The following ARL14EP variants were observed in gnomAD, a reference collection of about 807,000 sequenced individuals.
The protein encoded by ARL14EP is ARF like GTPase 14 effector protein, also known as ARL14 effector protein.
In ARL14EP, 12 loss-of-function variants were observed where a neutral mutation model predicts 23.1. That is an observed-to-expected ratio of 0.52 (90% CI 0.33 to 0.84). The LOEUF (loss-of-function observed/expected upper bound fraction) is 0.84, where lower values mean the gene tolerates loss of function less well. Among genes scored for constraint, ARL14EP ranks in the 40% least tolerant of loss-of-function variants. The pLI is 0.02. For missense variants in ARL14EP, 253 were observed against 307.3 expected (o/e 0.82, Z 1.32); for synonymous variants, 97 against 102.0 (o/e 0.95, Z 0.29).
chr11:30,334,208 CTTTTTTTTTTTTT>C (rs36111177), intron 3 of ARL14EP, among the ~76,000 whole-genome samples: 3 of 86,012 alleles, frequency 3.5e-5, no homozygotes, highest in African/African-American at 5.0e-5. Context: ...GACCAGCCTT[CTTTTTTTTTTTTT>C]TTTTTTTTTT....
rs1246948287 is a variant in ARL14EP, at chr11:30,338,223, A to G, written c.*1428A>G. ...ATTCAAATAAAAAAGTTTTAATACT[A>G]TAAACTTTTCATTGTTAGCGCCACG... is the stretch of plus-strand genomic sequence containing the variant. On this transcript the variant is annotated 3_prime_UTR_variant, in exon 4 of 4. Coordinates refer to ENST00000282032, the MANE Select transcript of ARL14EP (RefSeq NM_152316.3). 6.6e-6 allele frequency: 1 copy of G among 152,252 alleles called. No homozygotes were observed. The highest frequency in any genetic ancestry group is 1.5e-5 in the Non-Finnish European group (1 of 68,046). The allele number at this position is 152,252 out of a possible 1,614,324, so 9.4% of individuals were successfully genotyped here.
intron 3 of ARL14EP, among the ~76,000 whole-genome samples, chr11:30,334,825 A>G (rs559398659): frequency 6.6e-6 from 1 of 152,280 alleles, no homozygotes; most frequent in African/African-American, 2.4e-5. Flanking sequence ...ATTCCTTTCA[A>G]AATATTGCTA....
chr11:30,332,744 C>CT (rs1196321878), intron 2 of ARL14EP, 122 bp from the exon 3 acceptor site: 1 of 1,271,478 alleles, frequency 7.9e-7, no homozygotes, highest in Non-Finnish European at 1.1e-6. Flanking sequence ...ACCTTGTTTT[C>CT]TTTTTTGTGT....
At position 30,333,000 on chromosome 11, in the gene ARL14EP, TAA is replaced by T; in HGVS notation, c.554+8_554+9del. 6.2e-7 allele frequency: 1 copy of T among 1,612,456 alleles called. No individual in the cohort carries two copies. Among genetic ancestry groups the T allele is most frequent in the Non-Finnish European group, 8.5e-7 (1 of 1,179,054 alleles). On this transcript the variant is annotated splice_region_variant and intron_variant, in intron 3 of 3. Coordinates refer to ENST00000282032, the MANE Select transcript of ARL14EP (RefSeq NM_152316.3). ...CAACCGCTGGTTCAGACAGGTAGGC[TAA>T]GTGTTACTGAAGACATGTTAACTTG...
chr11:30,324,558 G>T (rs971804796), intron 1 of ARL14EP, among the ~76,000 whole-genome samples: 1 of 151,970 alleles, frequency 6.6e-6, no homozygotes, highest in African/African-American at 2.4e-5. Flanking sequence ...TGGTGGGGGG[G>T]GTGTTCTGCA....
At position 30,337,676 on chromosome 11, in the gene ARL14EP, A is replaced by G. The variant is rs1272798505; in HGVS notation, c.*881A>G. The G allele has an allele frequency of 2.0e-5, 3 of 152,192 alleles. No homozygotes were observed. The highest frequency in any genetic ancestry group is 2.9e-5 in the Non-Finnish European group (2 of 68,034). 9.4% of individuals were successfully genotyped at this position (152,192 alleles called of 1,614,324 possible). Reference sequence around the variant, plus strand: ...ACATTAAAAGATATTTAATGTGAATATAGAAATATTTCACAACATTGAAAG... The same window carrying G: ...ACATTAAAAGATATTTAATGTGAATGTAGAAATATTTCACAACATTGAAAG... On this transcript the variant is annotated 3_prime_UTR_variant, in exon 4 of 4. Coordinates refer to ENST00000282032, the MANE Select transcript of ARL14EP (RefSeq NM_152316.3).
chr11:30,324,280 CTTTT>C (rs751596729), intron 1 of ARL14EP, among the ~76,000 whole-genome samples: 1 of 151,958 alleles, frequency 6.6e-6, no homozygotes, highest in Non-Finnish European at 1.5e-5. Flanking sequence ...TTCATGAAAA[CTTTT>C]TTTATGTTTT....
chr11:30,337,029 G>C lies in ARL14EP; in HGVS notation c.*234G>C. ...GATCAATATAAACAAGTAGGGTGTA[G>C]GCAGTCCTCTATTTGCATGTTTCCC... On this transcript the variant is annotated 3_prime_UTR_variant, in exon 4 of 4. Transcript: ENST00000282032. The C allele has an allele frequency of 2.0e-6, 1 of 499,904 alleles. No homozygotes were observed. The highest frequency in any genetic ancestry group is 3.6e-6 in the Non-Finnish European group (1 of 279,398). 31.0% of individuals were successfully genotyped at this position (499,904 alleles called of 1,614,324 possible).
At chr11:30,336,522 A>C (rs190228956) in intron 3 of ARL14EP, 45 bp from the exon 4 acceptor site, 2 of 1,504,214 alleles carry the variant, frequency 1.3e-6, no homozygotes, top group Non-Finnish European at 1.8e-6. Flanking sequence ...TTAAATCAAA[A>C]ATAACATATT....
chr11:30,324,526 GGCTGTTTT>G (rs1390773602), intron 1 of ARL14EP, among the ~76,000 whole-genome samples: 1 of 152,090 alleles, frequency 6.6e-6, no homozygotes, highest in Non-Finnish European at 1.5e-5. Context: ...TTTTGTTAGT[GGCTGTTTT>G]GCTGTTTTGT....
At chr11:30,327,802 CAAAAAAAAA>C (rs369601355) in intron 1 of ARL14EP, among the ~76,000 whole-genome samples, 6 of 115,344 alleles carry the variant, frequency 5.2e-5, no homozygotes, top group Non-Finnish European at 7.1e-5. Flanking sequence ...ACTAAAAATA[CAAAAAAAAA>C]AAAAAAAAGC....
At chr11:30,331,532 C>T (rs1004406453) in intron 2 of ARL14EP, 158 bp downstream of exon 2, 2 of 1,465,314 alleles carry the variant, frequency 1.4e-6, no homozygotes, top group African/African-American at 1.4e-5. Context: ...ATATTATTCA[C>T]ATATACTGAA....
chr11:30,332,757 T>C, intron 2 of ARL14EP, 109 bp from the exon 3 acceptor site: 1 of 1,379,066 alleles, frequency 7.3e-7, no homozygotes, highest in Non-Finnish European at 1.0e-6. Context: ...TTTTGTGTGT[T>C]CCAGACTGTC....
At chr11:30,335,763 T>A (rs7116975) in intron 3 of ARL14EP, among the ~76,000 whole-genome samples, 4,604 of 115,812 alleles carry the variant, frequency 0.04, 112 homozygotes, top group African/African-American at 0.085. Context: ...AGCAAAAAAA[T>A]ATATATATAT....
Position 30,331,057 on chromosome 11 carries a change from A to G in ARL14EP, c.109A>G (p.Asn37Asp). 6.2e-7 allele frequency: 1 copy of G among 1,613,932 alleles called. No homozygotes were observed. Among genetic ancestry groups the G allele is most frequent in the Non-Finnish European group, 8.5e-7 (1 of 1,179,840 alleles). ...GFKTLQELSS[N>D]DMLLLQLRTG... ...TAAGACTTTGCAAGAATTGTCATCA[A>G]ATGATATGCTTTTACTTCAACTTAG... The change falls in exon 2 of 4, where the codon AAT becomes GAT. Residue 37 changes from asparagine to aspartate, a missense_variant. Transcript: ENST00000282032.
chr11:30,331,866 G>A, intron 2 of ARL14EP: 1 of 947,988 alleles, frequency 1.1e-6, no homozygotes, highest in Non-Finnish European at 1.3e-6. Flanking sequence ...TCGTTCTTGA[G>A]TTTTTTAAAT....
chr11:30,327,373 G>A (rs2133645206), intron 1 of ARL14EP, among the ~76,000 whole-genome samples: 1 of 152,146 alleles, frequency 6.6e-6, no homozygotes, highest in East Asian at 1.9e-4. Flanking sequence ...AATTAATAGA[G>A]TAAATGAAAT....
In ARL14EP at chr11:30,337,000, T is replaced by A. The variant is rs1288436711; in HGVS notation, c.*205T>A. Reference sequence around the variant, plus strand: ...TTTTCAGTAGTCAGCGTTAAGCCTGTCTGGATCAATATAAACAAGTAGGGT... The same window carrying A: ...TTTTCAGTAGTCAGCGTTAAGCCTGACTGGATCAATATAAACAAGTAGGGT... On this transcript the variant is annotated 3_prime_UTR_variant, in exon 4 of 4. Coordinates refer to ENST00000282032, the MANE Select transcript of ARL14EP (RefSeq NM_152316.3). 3.4e-6 allele frequency: 2 copies of A among 583,116 alleles called. No homozygotes were observed. Among genetic ancestry groups the A allele is most frequent in the African/African-American group, 3.7e-5 (2 of 53,552 alleles). The allele number at this position is 583,116 out of a possible 1,614,324, so 36.1% of individuals were successfully genotyped here.
rs1044120938 is a variant in ARL14EP at position 30,335,761 on chromosome 11, A to AT, written c.555-806_555-805insT. On this transcript the variant is annotated intron_variant, in intron 3 of 3. Transcript: ENST00000282032. ...TTTATATGCACTGGAAAAGCAAAAA[A>AT]ATATATATATATATATGTGTGTGTG... Among the ~76,000 whole-genome samples the AT allele has an allele frequency of 2.9e-4, 38 of 129,984 alleles. No individual in the cohort carries two copies. The South Asian group carries it at 3.6e-3, about 12-fold the overall frequency. The allele number at this position is 129,984 out of a possible 152,430, so 85.3% of individuals were successfully genotyped here. A position where few individuals can be genotyped will look rare whatever the true frequency, so the allele number is the denominator to read the frequency against.
Sources: allele counts gnomAD v4.1 joint callset (sites outside exome capture counted in the v4.1 genomes callset), GRCh38; gene constraint gnomAD v4.1.1; transcripts MANE v1.5; gene names NCBI Gene and HGNC (gene_info 2026-07-23, HGNC 2026-07-21).